COL19A1: variants seen among roughly 807,000 people sequenced by gnomAD.
The protein encoded by COL19A1 is collagen type XIX alpha 1 chain, also known as collagen alpha-1(XIX) chain.
A neutral mutation model predicts 190.2 loss-of-function variants in COL19A1; 159 were observed. That is an observed-to-expected ratio of 0.84 (90% CI 0.73 to 0.95). COL19A1 has a LOEUF of 0.95. Ranked by LOEUF, COL19A1 falls within the 40% of genes least tolerant of loss-of-function variation. The pLI is 0.00. For synonymous variants in COL19A1, 509 were observed against 458.9 expected (o/e 1.11, Z -1.39); for missense variants, 1,418 against 1,431.9 (o/e 0.99, Z 0.16).
intron 11 of COL19A1, among the ~76,000 whole-genome samples, chr6:70,010,364 T>C (rs1485110182): frequency 2.0e-5 from 3 of 149,390 alleles, no homozygotes; most frequent in African/African-American, 7.3e-5. Context: ...GGAGCCAAGA[T>C]GGCCGAATAG....
chr6:70,203,864 ATT>A (rs11444591), intron 49 of COL19A1, among the ~76,000 whole-genome samples: 2 of 146,752 alleles, frequency 1.4e-5, no homozygotes, highest in Non-Finnish European at 3.0e-5. Flanking sequence ...ATCCTGTAGA[ATT>A]TTTTTTTTTT....
chr6:69,906,191 A>G (rs923476303), intron 4 of COL19A1, among the ~76,000 whole-genome samples: 2 of 152,180 alleles, frequency 1.3e-5, no homozygotes, highest in Admixed American at 1.3e-4. Context: ...AATTCAAATA[A>G]AATGTCTTAG....
intron 11 of COL19A1, among the ~76,000 whole-genome samples, chr6:69,975,073 A>G (rs2150058990): frequency 6.6e-6 from 1 of 152,154 alleles, no homozygotes; most frequent in Non-Finnish European, 1.5e-5. Flanking sequence ...TCGGCCTCCC[A>G]AAGTGCTGGG....
At chr6:70,133,597 C>T (rs149560147) in intron 18 of COL19A1, among the ~76,000 whole-genome samples, 8 of 152,268 alleles carry the variant, frequency 5.3e-5, no homozygotes, top group African/African-American at 1.9e-4. Context: ...TCTTAGCCCT[C>T]CTGAGAAAAT....
At chr6:69,871,809 A>ATT (rs556851857) in intron 1 of COL19A1, among the ~76,000 whole-genome samples, 20 of 110,354 alleles carry the variant, frequency 1.8e-4, no homozygotes, top group African/African-American at 2.8e-4. Context: ...CAAGTCCACC[A>ATT]TTTTTTTTTT....
chr6:69,901,005 T>A (rs1230844254), intron 4 of COL19A1, among the ~76,000 whole-genome samples: 2 of 152,142 alleles, frequency 1.3e-5, no homozygotes, highest in African/African-American at 4.8e-5. Context: ...TAGTTGGCAA[T>A]AATTAAAGGA....
intron 18 of COL19A1, among the ~76,000 whole-genome samples, chr6:70,131,437 T>C (rs1451220568): frequency 6.6e-6 from 1 of 152,176 alleles, no homozygotes; most frequent in Non-Finnish European, 1.5e-5. Flanking sequence ...TTCTTACAGA[T>C]TGATGATTGA....
At chr6:69,897,480 CA>C (rs1437158862) in intron 2 of COL19A1, among the ~76,000 whole-genome samples, 51 of 152,068 alleles carry the variant, frequency 3.4e-4, no homozygotes, top group African/African-American at 1.0e-3. Context: ...CACACACACA[CA>C]CACACACCCC....
At chr6:70,128,353 G>A (rs1374432389) in intron 17 of COL19A1, among the ~76,000 whole-genome samples, 3 of 152,112 alleles carry the variant, frequency 2.0e-5, no homozygotes, top group Non-Finnish European at 4.4e-5. Flanking sequence ...AGAAAGTGTT[G>A]AGTCACAAAG....
intron 36 of COL19A1, 30 bp from the exon 37 acceptor site, chr6:70,165,911 G>A: frequency 6.2e-7 from 1 of 1,609,418 alleles, no homozygotes; most frequent in Non-Finnish European, 8.5e-7. Context: ...AAACGTCTAC[G>A]CCGCTGATAT....
At chr6:69,951,279 A>G (rs996606857) in intron 9 of COL19A1, among the ~76,000 whole-genome samples, 1 of 151,926 alleles carries the variant, frequency 6.6e-6, no homozygotes, top group Non-Finnish European at 1.5e-5. Flanking sequence ...TAAAACAGGA[A>G]TTATATTGCA....
chr6:69,957,845 G>C (rs554083053), intron 9 of COL19A1, among the ~76,000 whole-genome samples: 1 of 152,264 alleles, frequency 6.6e-6, no homozygotes, highest in Non-Finnish European at 1.5e-5. Context: ...GTGTCAGAGG[G>C]AGCATAAAGA....
At chr6:70,093,901 T>A (rs1321135913) in intron 15 of COL19A1, among the ~76,000 whole-genome samples, 1 of 152,078 alleles carries the variant, frequency 6.6e-6, no homozygotes, top group Non-Finnish European at 1.5e-5. Context: ...GAGAGATGAG[T>A]AAATACTGGA....
At chr6:69,957,758 T>G (rs1350263796) in intron 9 of COL19A1, among the ~76,000 whole-genome samples, 3 of 152,174 alleles carry the variant, frequency 2.0e-5, no homozygotes, top group Non-Finnish European at 4.4e-5. Context: ...TCCAGTAATT[T>G]TAGGAGGATA....
chr6:70,008,950 TA>T lies in COL19A1; in HGVS notation c.1027-14676del, dbSNP rs545224774. Reference sequence around the variant, plus strand: ...TTACCTCAATGAATTCAGGACAAAATATTTTTTCAAAATTCAATACCCATTC... The same window carrying T: ...TTACCTCAATGAATTCAGGACAAAATTTTTTTCAAAATTCAATACCCATTC... On this transcript the variant is annotated intron_variant, in intron 11 of 50. Transcript: ENST00000620364. Among the ~76,000 whole-genome samples, 256 of 152,112 alleles carry T rather than the reference TA, an allele frequency of 1.7e-3. 1 individual carries two copies. Among genetic ancestry groups the T allele is most frequent in the Admixed American group, 2.9e-3 (44 of 15,296 alleles).
intron 2 of COL19A1, among the ~76,000 whole-genome samples, chr6:69,880,714 A>G (rs770319527): frequency 3.3e-5 from 5 of 152,244 alleles, no homozygotes; most frequent in Non-Finnish European, 5.9e-5. Context: ...GTTATTGTAC[A>G]AAAGACATCC....
In COL19A1 at chr6:70,151,752, C is replaced by T. The variant is rs77595251; in HGVS notation, c.2079+314C>T. On this transcript the variant is annotated intron_variant, in intron 31 of 50. Transcript: ENST00000620364. ...TTAGCACTCTGGAGTAGATTATTCT[C>T]TCCTCTGGAGGAACATCTTTCTCTT... 0.039 allele frequency among the ~76,000 whole-genome samples: 5,889 copies of T among 152,168 alleles called. 155 individuals are homozygous for T. Among genetic ancestry groups the T allele is most frequent in the Non-Finnish European group, 0.059 (4,028 of 68,000 alleles).
At chr6:70,145,722 C>CTTTTTTTTTTT (rs56306364) in intron 25 of COL19A1, among the ~76,000 whole-genome samples, 1 of 128,172 alleles carries the variant, frequency 7.8e-6, no homozygotes, top group Non-Finnish European at 1.6e-5. Context: ...CTTATTGTTT[C>CTTTTTTTTTTT]TTTTTTTTTT....
intron 40 of COL19A1, among the ~76,000 whole-genome samples, chr6:70,170,546 T>A (rs946078941): frequency 1.1e-5 from 1 of 90,994 alleles, no homozygotes; most frequent in Non-Finnish European, 2.2e-5. Context: ...ATTAAATATT[T>A]AATTATTGCT....
Sources: allele counts gnomAD v4.1 joint callset (sites outside exome capture counted in the v4.1 genomes callset), GRCh38; gene constraint gnomAD v4.1.1; transcripts MANE v1.5; gene names NCBI Gene and HGNC (gene_info 2026-07-23, HGNC 2026-07-21).